LOXL4: variants seen among roughly 807,000 people sequenced by gnomAD.
LOXL4 encodes the protein lysyl oxidase homolog 4.
A neutral mutation model predicts 89.1 loss-of-function variants in LOXL4; 72 were observed. The observed-to-expected ratio is 0.81, with a 90% CI of 0.67 to 0.98. LOXL4 has a LOEUF of 0.98. LOXL4 is among the 50% of genes least tolerant of loss of function. LOXL4 has a pLI of 0.00. For synonymous variants in LOXL4, 355 were observed against 392.1 expected, an observed-to-expected ratio of 0.91 and a Z score of 1.12; for missense variants, 984 against 1,017.5, an observed-to-expected ratio of 0.97 and a Z score of 0.45.
intron 3 of LOXL4, 46 bp from the exon 4 acceptor site, chr10:98,261,173 C>CTGGAGGAG: frequency 6.4e-7 from 1 of 1,573,066 alleles, no homozygotes; most frequent in Non-Finnish European, 8.7e-7. Context: ...TCCTGCTCCT[C>CTGGAGGAG]CAGTGGAGCC....
chr10:98,255,561 G>C lies in LOXL4; in HGVS notation c.1591+16C>G. ...GGCCTACCTGTCCCCAGCCCTGTGA[G>C]CCCTCCGTCACTCACTGTCCATGCA... On this transcript the variant is annotated intron_variant, in intron 10 of 14. Coordinates refer to ENST00000260702, the MANE Select transcript of LOXL4 (RefSeq NM_032211.7). The C allele has an allele frequency of 6.3e-7, 1 of 1,589,504 alleles. No individual in the cohort carries two copies. Among genetic ancestry groups the C allele is most frequent in the Admixed American group, 1.7e-5 (1 of 59,474 alleles).
chr10:98,256,603 G>T, intron 9 of LOXL4, 177 bp downstream of exon 9: 1 of 669,538 alleles, frequency 1.5e-6, no homozygotes, highest in Non-Finnish European at 2.5e-6. Context: ...ATTTCATTAG[G>T]ACTATGTCTT....
chr10:98,251,315 C>A, intron 13 of LOXL4, 139 bp from the exon 14 acceptor site: 2 of 812,038 alleles, frequency 2.5e-6, no homozygotes, highest in Non-Finnish European at 4.0e-6. Flanking sequence ...TACTGATGTT[C>A]CCATTTTACA....
intron 14 of LOXL4, among the ~76,000 whole-genome samples, chr10:98,249,389 A>G (rs567222632): frequency 6.6e-6 from 1 of 152,262 alleles, no homozygotes; most frequent in East Asian, 1.9e-4. Context: ...GAGGCCGGAT[A>G]TTCCTTCCCC....
At chr10:98,264,128 C>T (rs1267934834) in intron 1 of LOXL4, among the ~76,000 whole-genome samples, 2 of 151,590 alleles carry the variant, frequency 1.3e-5, no homozygotes, top group African/African-American at 2.4e-5. Context: ...TCCATCTAGG[C>T]GTATGATTCA....
At chr10:98,256,743 TGA>T (rs1858377258) in intron 9 of LOXL4, 35 bp downstream of exon 9, 5 of 1,612,426 alleles carry the variant, frequency 3.1e-6, no homozygotes, top group Non-Finnish European at 4.2e-6. Flanking sequence ...AACAGGAGGG[TGA>T]GAGGTCATAC....
chr10:98,247,725 ATTAGGGTG>A lies in LOXL4; in HGVS notation c.*1188_*1195del, dbSNP rs1482330076. On this transcript the variant is annotated 3_prime_UTR_variant, in exon 15 of 15. Transcript: ENST00000260702. ...TCCATAATGAGCAACTTTTATTGGC[ATTAGGGTG>A]TCAGTCCTGTAAGGATCATCACTTA... The A allele has an allele frequency of 1.3e-5, 2 of 152,182 alleles. No homozygotes were observed. Among genetic ancestry groups the A allele is most frequent in the African/African-American group, 2.4e-5 (1 of 41,422 alleles). The allele number at this position is 152,182 out of a possible 1,614,324, so 9.4% of individuals were successfully genotyped here. A position where few individuals can be genotyped will look rare whatever the true frequency, so the allele number is the denominator to read the frequency against.
intron 1 of LOXL4, among the ~76,000 whole-genome samples, chr10:98,266,383 C>A (rs1051944591): frequency 3.3e-5 from 5 of 152,222 alleles, no homozygotes; most frequent in Non-Finnish European, 1.5e-5. Flanking sequence ...CCGACATGCT[C>A]TGATGGGGCC....
In LOXL4 at chr10:98,253,812, G is replaced by T; in HGVS notation, c.1592-16C>A. 1.2e-6 allele frequency: 2 copies of T among 1,613,228 alleles called. No individual in the cohort carries two copies. Among genetic ancestry groups the T allele is most frequent in the Non-Finnish European group, 1.7e-6 (2 of 1,179,860 alleles). On this transcript the variant is annotated splice_polypyrimidine_tract_variant and intron_variant, in intron 10 of 14. Transcript: ENST00000260702. ...TCTGGTGCACCTGGGGCGGCGGAGG[G>T]CATGGCAGTGACTCAAAGGGTGGAA...
At chr10:98,249,019 A>C (rs375828198) in intron 14 of LOXL4, 28 bp from the exon 15 acceptor site, 7 of 1,589,032 alleles carry the variant, frequency 4.4e-6, no homozygotes, top group Non-Finnish European at 6.0e-6. Flanking sequence ...ACAGGTAAGT[A>C]GCCAACCTTT....
rs756154350 is a variant in LOXL4, at chr10:98,253,640, C to T, written c.1748G>A (p.Arg583His). The part of the protein sequence containing the change: ...DWPYGYRRLL[R>H]FSTQIYNLGR... ...CAGATTGTAGATCTGTGTGGAGAAG[C>T]GCAATAGGCGGCGGTATCCGTAGGG... is the stretch of plus-strand genomic sequence containing the variant. The change falls in exon 11 of 15, where the codon CGC becomes CAC. Residue 583 changes from arginine to histidine, a missense_variant. Coordinates refer to ENST00000260702, the MANE Select transcript of LOXL4 (RefSeq NM_032211.7). 23 of 1,614,086 alleles carry T rather than the reference C, an allele frequency of 1.4e-5. No homozygotes were observed. The South Asian group carries it at 1.5e-4, about 11-fold the overall frequency.
chr10:98,251,939 C>T (rs546354986), intron 12 of LOXL4: 26 of 551,950 alleles, frequency 4.7e-5, no homozygotes, highest in African/African-American at 2.1e-4. Flanking sequence ...GAGATTCCAA[C>T]GCTCCCGTGC....
At chr10:98,262,343 G>T in intron 2 of LOXL4, 130 bp from the exon 3 acceptor site, 1 of 915,238 alleles carries the variant, frequency 1.1e-6, no homozygotes, top group Non-Finnish European at 1.7e-6. Context: ...GGAGGAGGAA[G>T]TTTGGGTCTC....
intron 1 of LOXL4, among the ~76,000 whole-genome samples, chr10:98,266,719 G>GCCT (rs1440594085): frequency 6.6e-6 from 1 of 151,742 alleles, no homozygotes; most frequent in African/African-American, 2.4e-5. Flanking sequence ...TCGTCTCCCA[G>GCCT]CCTCCAAGCC....
intron 14 of LOXL4, 72 bp from the exon 15 acceptor site, chr10:98,249,063 A>T: frequency 8.5e-7 from 1 of 1,173,838 alleles, no homozygotes; most frequent in Non-Finnish European, 1.3e-6. Flanking sequence ...ACTTACATAG[A>T]TCCACTCTGC....
In LOXL4 at chr10:98,260,208, C is replaced by T. The variant is rs987815697; in HGVS notation, c.662+714G>A. 3.9e-5 allele frequency among the ~76,000 whole-genome samples: 6 copies of T among 152,186 alleles called. No homozygotes were observed. The East Asian group carries it at 5.8e-4, about 15-fold the overall frequency. On this transcript the variant is annotated intron_variant, in intron 4 of 14. Coordinates refer to ENST00000260702, the MANE Select transcript of LOXL4 (RefSeq NM_032211.7). ...TCCTCTCTCCAGGTGCCCCACCCCA[C>T]GCCTCACTTACACACAACCCAGTCA...
chr10:98,253,034 CCT>C (rs1210566072), intron 11 of LOXL4, among the ~76,000 whole-genome samples: 2 of 152,220 alleles, frequency 1.3e-5, no homozygotes, highest in African/African-American at 4.8e-5. Flanking sequence ...ATTGTCTCTC[CCT>C]CTCTCTGGTC....
At chr10:98,250,974 A>C in intron 14 of LOXL4, 91 bp downstream of exon 14, 1 of 882,716 alleles carries the variant, frequency 1.1e-6, no homozygotes, top group South Asian at 1.4e-5. Context: ...CATACAAGTC[A>C]CACGCTGGAG....
chr10:98,255,722 C>T lies in LOXL4; in HGVS notation c.1446G>A (p.Ser482=), dbSNP rs112190645. 2.7e-5 allele frequency: 43 copies of T among 1,611,158 alleles called. No homozygotes were observed. Among genetic ancestry groups the T allele is most frequent in the African/African-American group, 9.3e-5 (7 of 74,888 alleles). The change falls in exon 10 of 15, where the codon TCG becomes TCA. Residue 482 remains serine, a synonymous_variant. Coordinates refer to ENST00000260702, the MANE Select transcript of LOXL4 (RefSeq NM_032211.7). ...CCACCTCCTGGGCCCTTGGCGTCCC[C>T]GACCAGAACCAGGTTTCCTAAGAAG... ...IHAYKETWFW[S]GTPRAQEVVM...
Sources: gnomAD v4.1 joint callset for allele counts (sites outside exome capture counted in the v4.1 genomes callset) on GRCh38, gnomAD v4.1.1 for gene constraint, MANE v1.5 for transcripts, NCBI Gene and HGNC (gene_info 2026-07-23, HGNC 2026-07-21) for gene names.